TSPAN9: variants seen among roughly 807,000 people sequenced by gnomAD.
The protein encoded by TSPAN9 is tetraspanin-9.
TSPAN9 carries 16 observed loss-of-function variants against 31.0 expected under a neutral mutation model. The observed-to-expected ratio is 0.52, with a 90% CI of 0.35 to 0.78. TSPAN9 has a LOEUF of 0.78. Among genes scored for constraint, TSPAN9 ranks in the 30% least tolerant of loss-of-function variants. The probability of loss-of-function intolerance (pLI) is 0.01; values close to 1 mark genes in which losing one functional copy is unlikely to be tolerated. For missense variants in TSPAN9, 272 were observed against 312.5 expected (o/e 0.87, Z 0.98); for synonymous variants, 145 against 121.6 (o/e 1.19, Z -1.27).
intron 3 of TSPAN9, among the ~76,000 whole-genome samples, chr12:3,248,077 A>G (rs1422967499): frequency 6.6e-6 from 1 of 152,194 alleles, no homozygotes; most frequent in Non-Finnish European, 1.5e-5. Flanking sequence ...TTAGAGCAAC[A>G]GCCACTTCAT....
intron 3 of TSPAN9, among the ~76,000 whole-genome samples, chr12:3,274,132 C>T (rs1470509721): frequency 6.6e-6 from 1 of 152,184 alleles, no homozygotes; most frequent in Non-Finnish European, 1.5e-5. Context: ...GGGTGTTTGG[C>T]AGCACCCCTG....
intron 2 of TSPAN9, among the ~76,000 whole-genome samples, chr12:3,127,840 A>G (rs2098328058): frequency 1.3e-5 from 2 of 152,150 alleles, no homozygotes; most frequent in Non-Finnish European, 2.9e-5. Flanking sequence ...TGCCCAGGTT[A>G]GACTCGAACT....
At chr12:3,249,223 G>T (rs1029841715) in intron 3 of TSPAN9, among the ~76,000 whole-genome samples, 1 of 152,142 alleles carries the variant, frequency 6.6e-6, no homozygotes, top group Non-Finnish European at 1.5e-5. Context: ...CTCCAGCTGC[G>T]AGTCTTTCTC....
intron 3 of TSPAN9, among the ~76,000 whole-genome samples, chr12:3,217,619 A>T (rs562353174): frequency 6.6e-6 from 1 of 152,238 alleles, no homozygotes; most frequent in East Asian, 1.9e-4. Flanking sequence ...GAATTCAGAG[A>T]CTTTTCCCTT....
At chr12:3,116,077 G>A (rs868087) in intron 2 of TSPAN9, among the ~76,000 whole-genome samples, 48,600 of 152,086 alleles carry the variant, frequency 0.32, 7,979 homozygotes, top group Middle Eastern at 0.45. Flanking sequence ...TAAAAGTTTC[G>A]CTATTTTCTT....
intron 2 of TSPAN9, among the ~76,000 whole-genome samples, chr12:3,156,452 G>C (rs1246595325): frequency 6.6e-6 from 1 of 152,066 alleles, no homozygotes; most frequent in Non-Finnish European, 1.5e-5. Flanking sequence ...GGAGGTGTTG[G>C]AGTTTGGGAT....
chr12:3,083,623 G>A (rs1037424410), intron 1 of TSPAN9, 30 bp from the exon 2 acceptor site: 1 of 152,220 alleles, frequency 6.6e-6, no homozygotes, highest in Admixed American at 6.5e-5. Context: ...TCTTACCAAA[G>A]TGATGACCTA....
At chr12:3,231,982 C>T (rs925743525) in intron 3 of TSPAN9, among the ~76,000 whole-genome samples, 9 of 152,330 alleles carry the variant, frequency 5.9e-5, no homozygotes, top group South Asian at 2.1e-4. Flanking sequence ...TGCAGCAGTA[C>T]GGTTATTTGT....
At chr12:3,155,078 C>T (rs748699325) in intron 2 of TSPAN9, among the ~76,000 whole-genome samples, 8 of 152,040 alleles carry the variant, frequency 5.3e-5, no homozygotes, top group Non-Finnish European at 1.0e-4. Context: ...GGTAAAATCT[C>T]CTAATTTTTA....
At chr12:3,269,041 T>C (rs1340562186) in intron 3 of TSPAN9, among the ~76,000 whole-genome samples, 2 of 60,914 alleles carry the variant, frequency 3.3e-5, no homozygotes, top group East Asian at 1.3e-3. Flanking sequence ...GCCCTCCCTG[T>C]GTTCCTGCAG....
intron 3 of TSPAN9, among the ~76,000 whole-genome samples, chr12:3,249,461 C>G (rs1038025929): frequency 7.2e-5 from 11 of 152,216 alleles, no homozygotes; most frequent in African/African-American, 2.7e-4. Context: ...TCCATGAAAA[C>G]TTTGCTCTCT....
chr12:3,166,026 A>G (rs545735765), intron 2 of TSPAN9, among the ~76,000 whole-genome samples: 1 of 152,278 alleles, frequency 6.6e-6, no homozygotes, highest in East Asian at 1.9e-4. Context: ...TGTGGGAATT[A>G]TAGGCATCTG....
At chr12:3,206,368 A>G (rs919485343) in intron 3 of TSPAN9, 1 of 455,950 alleles carries the variant, frequency 2.2e-6, no homozygotes, top group African/African-American at 2.0e-5. Context: ...TCGGGAGGTC[A>G]TCTGGCTCGT....
intron 2 of TSPAN9, among the ~76,000 whole-genome samples, chr12:3,102,102 T>C (rs1205700480): frequency 6.6e-6 from 1 of 152,054 alleles, no homozygotes; most frequent in Non-Finnish European, 1.5e-5. Context: ...TGCACGCACC[T>C]GCTCTTTCCC....
At chr12:3,144,081 ATATT>A (rs137979687) in intron 2 of TSPAN9, among the ~76,000 whole-genome samples, 6,343 of 151,916 alleles carry the variant, frequency 0.042, 455 homozygotes, top group African/African-American at 0.14. Flanking sequence ...GTGTGCTGAT[ATATT>A]TATTTATTTA....
At chr12:3,167,527 G>A (rs1485919997) in intron 2 of TSPAN9, among the ~76,000 whole-genome samples, 2 of 152,212 alleles carry the variant, frequency 1.3e-5, no homozygotes, top group Admixed American at 6.5e-5. Flanking sequence ...GGTGCTTGGT[G>A]TACAGGTGCT....
At chr12:3,097,954 G>A (rs2098309968) in intron 2 of TSPAN9, among the ~76,000 whole-genome samples, 1 of 152,250 alleles carries the variant, frequency 6.6e-6, no homozygotes, top group African/African-American at 2.4e-5. Flanking sequence ...AAGTTCAGGA[G>A]CTCAGTGATG....
At chr12:3,117,547 G>A (rs1270067742) in intron 2 of TSPAN9, among the ~76,000 whole-genome samples, 2 of 152,084 alleles carry the variant, frequency 1.3e-5, no homozygotes, top group East Asian at 3.9e-4. Context: ...TTTGTAAAGA[G>A]GGGCAGCCTG....
chr12:3,241,900 G>A (rs539759539), intron 3 of TSPAN9, among the ~76,000 whole-genome samples: 7 of 152,334 alleles, frequency 4.6e-5, no homozygotes, highest in East Asian at 1.9e-4. Context: ...CCTCCCCACC[G>A]TCTCTGCCAT....
Sources: allele counts gnomAD v4.1 joint callset (sites outside exome capture counted in the v4.1 genomes callset), GRCh38; gene constraint gnomAD v4.1.1; transcripts MANE v1.5; gene names NCBI Gene and HGNC (gene_info 2026-07-23, HGNC 2026-07-21).